The following PA2G4 variants were observed in gnomAD, a reference collection of about 807,000 sequenced individuals.
PA2G4 encodes the protein proliferation-associated 2G4.
PA2G4 carries 8 observed loss-of-function variants against 53.3 expected under a neutral mutation model. The ratio of observed to expected loss-of-function variants is 0.15; its 90% CI spans 0.09 to 0.27. The LOEUF (loss-of-function observed/expected upper bound fraction) is 0.27, where lower values mean the gene tolerates loss of function less well. PA2G4 is among the 10% of genes least tolerant of loss of function. The pLI, the probability that PA2G4 is intolerant of heterozygous loss-of-function variation, is 1.00. For missense variants in PA2G4, 208 were observed against 486.8 expected, an observed-to-expected ratio of 0.43 and a Z score of 5.39; for synonymous variants, 143 against 169.8, an observed-to-expected ratio of 0.84 and a Z score of 1.23.
intron 1 of PA2G4, among the ~76,000 whole-genome samples, chr12:56,105,406 G>T (rs1048389537): frequency 6.6e-6 from 1 of 152,154 alleles, no homozygotes; most frequent in Non-Finnish European, 1.5e-5. Flanking sequence ...CCTGGTGGGG[G>T]CCCCCTTCTA....
intron 5 of PA2G4, among the ~76,000 whole-genome samples, chr12:56,108,312 C>A (rs564688355): frequency 5.9e-5 from 9 of 152,312 alleles, no homozygotes; most frequent in African/African-American, 2.2e-4. Flanking sequence ...ATCATTTAAC[C>A]TGAGACTCAG....
At chr12:56,109,422 C>G (rs1197456669) in intron 6 of PA2G4, 129 bp downstream of exon 6, 4 of 614,168 alleles carry the variant, frequency 6.5e-6, no homozygotes, top group Non-Finnish European at 1.2e-5. Flanking sequence ...GAGTTTGAGA[C>G]TAGCCTGGCC....
chr12:56,111,258 C>T lies in PA2G4; in HGVS notation c.1014C>T (p.Phe338=), dbSNP rs147419782. The change falls in exon 11 of 13, where the codon TTC becomes TTT. Residue 338 remains phenylalanine (F), a synonymous_variant. Transcript: ENST00000303305. The part of the protein sequence containing the change: ...NGPMRITSGP[F]EPDLYKSEME... The stretch of plus-strand genomic sequence containing the variant: ...CCATGCGGATAACCAGTGGTCCCTT[C>T]GAGCCTGACCTCTACAAGTCTGAGA... 108 of 1,613,980 alleles carry T rather than the reference C, an allele frequency of 6.7e-5. No individual in the cohort carries two copies. Among genetic ancestry groups the T allele is most frequent in the Non-Finnish European group, 8.9e-5 (105 of 1,180,002 alleles).
intron 9 of PA2G4, 23 bp downstream of exon 9, chr12:56,110,715 G>A: frequency 3.1e-6 from 5 of 1,613,476 alleles, no homozygotes; most frequent in Non-Finnish European, 4.2e-6. Context: ...GATAGTACTT[G>A]GAACCAGTCT....
At chr12:56,109,326 A>AATG in intron 6 of PA2G4, 33 bp downstream of exon 6, 1 of 1,557,440 alleles carries the variant, frequency 6.4e-7, no homozygotes, top group Non-Finnish European at 8.8e-7. Flanking sequence ...AGGGTCTAAG[A>AATG]ATGAGTGGCT....
At chr12:56,104,857 G>A (rs935153285) in intron 1 of PA2G4, 32 bp downstream of exon 1, 1 of 1,568,270 alleles carries the variant, frequency 6.4e-7, no homozygotes, top group Non-Finnish European at 8.8e-7. Context: ...GGGGAATCAA[G>A]GCTGATAGGG....
At chr12:56,112,696 C>T in intron 12 of PA2G4, 127 bp from the exon 13 acceptor site, 1 of 669,274 alleles carries the variant, frequency 1.5e-6, no homozygotes, top group South Asian at 1.8e-5. Context: ...AGTGGTACCA[C>T]TGCACTCCAG....
At position 56,105,651 on chromosome 12, in the gene PA2G4, G is replaced by A. The variant is rs147885303; in HGVS notation, c.88+826G>A. 7.1e-3 allele frequency among the ~76,000 whole-genome samples: 1,074 copies of A among 152,316 alleles called. 19 individuals are homozygous for A. The highest frequency in any genetic ancestry group is 0.034 in the Middle Eastern group (10 of 294). On this transcript the variant is annotated intron_variant, in intron 1 of 12. Coordinates refer to ENST00000303305, the MANE Select transcript of PA2G4 (RefSeq NM_006191.3). ...TTGTGAACATTACTGGAAAAGGGAG[G>A]ACTGATTTTAGGATTTTCACAAGTC...
chr12:56,108,990 G>A (rs2136840615), intron 5 of PA2G4, among the ~76,000 whole-genome samples: 1 of 151,972 alleles, frequency 6.6e-6, no homozygotes, highest in East Asian at 1.9e-4. Flanking sequence ...GCTGGGCGTG[G>A]TGTTGCGTGC....
At chr12:56,111,432 C>T (rs753802431) in intron 11 of PA2G4, 44 bp from the exon 12 acceptor site, 8 of 1,608,828 alleles carry the variant, frequency 5.0e-6, no homozygotes, top group South Asian at 2.2e-5. Context: ...TTTTAATTTC[C>T]TCCACATTTC....
intron 1 of PA2G4, 59 bp from the exon 2 acceptor site, chr12:56,106,529 T>G: frequency 6.9e-7 from 1 of 1,450,170 alleles, no homozygotes; most frequent in Non-Finnish European, 9.1e-7. Context: ...AGGTATTCCT[T>G]GGGTGGTAAC....
chr12:56,106,300 G>A (rs1335671950), intron 1 of PA2G4: 3 of 262,202 alleles, frequency 1.1e-5, no homozygotes, highest in East Asian at 6.8e-5. Flanking sequence ...TAGTCTTTGC[G>A]TGTATGTGGG....
At position 56,104,605 on chromosome 12, in the gene PA2G4, C is replaced by T. The variant is rs773332106; in HGVS notation, c.-133C>T. ...TCGCTCTCGCCTGCCTGCCCGCTCC[C>T]TTGCTTGCTCGCGCTTTCGCTCGCC... On this transcript the variant is annotated 5_prime_UTR_variant, in exon 1 of 13. Coordinates refer to ENST00000303305, the MANE Select transcript of PA2G4 (RefSeq NM_006191.3). 2.2e-6 allele frequency: 2 copies of T among 917,572 alleles called. No homozygotes were observed. The highest frequency in any genetic ancestry group is 3.7e-6 in the Non-Finnish European group (2 of 545,608). The allele number at this position is 917,572 out of a possible 1,614,324, so 56.8% of individuals were successfully genotyped here.
chr12:56,106,950 G>A, intron 2 of PA2G4, 40 bp from the exon 3 acceptor site: 2 of 1,521,730 alleles, frequency 1.3e-6, no homozygotes, highest in Middle Eastern at 2.1e-4. Context: ...GGGCTCCCGG[G>A]AGACAGCAAG....
rs1175706220 is a variant in PA2G4, at chr12:56,104,566, G to A, written c.-172G>A. 1.3e-6 allele frequency: 1 copy of A among 747,908 alleles called. No individual in the cohort carries two copies. Among genetic ancestry groups the A allele is most frequent in the Non-Finnish European group, 2.5e-6 (1 of 406,062 alleles). 46.3% of individuals were successfully genotyped at this position (747,908 alleles called of 1,614,324 possible). On this transcript the variant is annotated 5_prime_UTR_variant, in exon 1 of 13. Transcript: ENST00000303305. ...CAGCGTGCCCTGCGCCTCAGCCCGC[G>A]CGCTCGCAGCTTCTCGCTCTCGCCT...
chr12:56,107,461 A>C (rs927864701), intron 4 of PA2G4, 60 bp from the exon 5 acceptor site: 5 of 1,266,970 alleles, frequency 3.9e-6, no homozygotes, highest in Non-Finnish European at 5.8e-6. Context: ...TATTAACCAG[A>C]TAGCCAGCTG....
At position 56,113,828 on chromosome 12, in the gene PA2G4, T is replaced by C. The variant is rs547612654; in HGVS notation, c.*940T>C. On this transcript the variant is annotated 3_prime_UTR_variant, in exon 13 of 13. Transcript: ENST00000303305. ...CCTCTGGCATGCTGTCCCAGGAAACTAGGGCTCCCACTAACTTATGAGGTT... is the reference window on the plus strand; with the variant it reads ...CCTCTGGCATGCTGTCCCAGGAAACCAGGGCTCCCACTAACTTATGAGGTT... 1.9e-4 allele frequency: 130 copies of C among 702,114 alleles called. 1 individual carries two copies. The highest frequency in any genetic ancestry group is 1.6e-3 in the East Asian group (60 of 37,294). The allele number at this position is 702,114 out of a possible 1,614,324, so 43.5% of individuals were successfully genotyped here.
Position 56,113,527 on chromosome 12 carries a change from TC to T in PA2G4, c.*641del. 3.2e-6 allele frequency: 1 copy of T among 308,896 alleles called. No homozygotes were observed. Among genetic ancestry groups the T allele is most frequent in the Non-Finnish European group, 5.9e-6 (1 of 168,912 alleles). 19.1% of individuals were successfully genotyped at this position (308,896 alleles called of 1,614,324 possible). ...ATCCTCATTTGTAAATCTTTTTTCT[TC>T]CATTTTCACAAAGCTGTAAAGAAAT... On this transcript the variant is annotated 3_prime_UTR_variant, in exon 13 of 13. Coordinates refer to ENST00000303305, the MANE Select transcript of PA2G4 (RefSeq NM_006191.3).
In PA2G4 at chr12:56,112,806, C is replaced by G; in HGVS notation, c.1120-17C>G. The G allele has an allele frequency of 1.3e-6, 2 of 1,554,458 alleles. No individual in the cohort carries two copies. Among genetic ancestry groups the G allele is most frequent in the Admixed American group, 1.9e-5 (1 of 52,922 alleles). On this transcript the variant is annotated splice_polypyrimidine_tract_variant and intron_variant, in intron 12 of 12. Coordinates refer to ENST00000303305, the MANE Select transcript of PA2G4 (RefSeq NM_006191.3). ...AGAAACTGACAGGTCTTCTCCCTCT[C>G]CTTTTCTTGCATATAGGCCTCCAAG...
Sources: gnomAD v4.1 joint callset for allele counts (sites outside exome capture counted in the v4.1 genomes callset) on GRCh38, gnomAD v4.1.1 for gene constraint, MANE v1.5 for transcripts, NCBI Gene and HGNC (gene_info 2026-07-23, HGNC 2026-07-21) for gene names.